The following DLG2 variants were observed in gnomAD, a reference collection of about 807,000 sequenced individuals.
The protein encoded by DLG2 is disks large homolog 2.
Under a neutral mutation model 132.5 loss-of-function variants are expected in DLG2, and 45 were observed. The observed-to-expected ratio is 0.34, with a 90% CI of 0.27 to 0.44. The LOEUF is 0.44. Among genes scored for constraint, DLG2 ranks in the 20% least tolerant of loss-of-function variants. The pLI is 1.00. For synonymous variants in DLG2, 424 were observed against 419.6 expected (o/e 1.01, Z -0.13); for missense variants, 1,045 against 1,196.9 (o/e 0.87, Z 1.87).
intron 3 of DLG2, among the ~76,000 whole-genome samples, chr11:85,507,601 C>A (rs920993025): frequency 6.6e-6 from 1 of 152,140 alleles, no homozygotes. Flanking sequence ...GATGGGCTTC[C>A]CTTTTTGGGT....
intron 6 of DLG2, among the ~76,000 whole-genome samples, chr11:84,851,183 T>C (rs966680028): frequency 9.9e-5 from 15 of 152,102 alleles, no homozygotes; most frequent in African/African-American, 3.6e-4. Context: ...TATACAGCAA[T>C]GTGACAGGAT....
At chr11:84,486,453 G>A (rs1011154259) in intron 7 of DLG2, among the ~76,000 whole-genome samples, 2 of 152,056 alleles carry the variant, frequency 1.3e-5, no homozygotes, top group African/African-American at 4.8e-5. Flanking sequence ...TACTGATTCT[G>A]CTTTTTCTTT....
At chr11:85,027,500 C>T (rs532546557) in intron 6 of DLG2, among the ~76,000 whole-genome samples, 27 of 152,240 alleles carry the variant, frequency 1.8e-4, no homozygotes, top group African/African-American at 3.1e-4. Context: ...TGGCAGGCTG[C>T]GCTTGGCTCA....
intron 5 of DLG2, among the ~76,000 whole-genome samples, chr11:85,140,738 C>A (rs559404093): frequency 6.6e-6 from 1 of 151,786 alleles, no homozygotes; most frequent in Non-Finnish European, 1.5e-5. Flanking sequence ...ATCACCACTA[C>A]TCTTCCCAGC....
At chr11:84,070,666 A>C (rs1285265391) in intron 10 of DLG2, among the ~76,000 whole-genome samples, 7 of 152,234 alleles carry the variant, frequency 4.6e-5, no homozygotes. Context: ...TGAAAAGTTG[A>C]GAACAACAAG....
In DLG2 at chr11:84,138,850, G is replaced by A. The variant is rs144300755; in HGVS notation, c.624+24611C>T. The stretch of plus-strand genomic sequence containing the variant: ...TGTAATCCCAGTTACTGGGGAGGCT[G>A]AGGCAGGAGAATTGCTTGAACCCAA... On this transcript the variant is annotated intron_variant, in intron 9 of 27. Transcript: ENST00000376104. Among the ~76,000 whole-genome samples, 289 of 151,338 alleles carry A rather than the reference G, an allele frequency of 1.9e-3. 2 individuals are homozygous for A. Among genetic ancestry groups the A allele is most frequent in the African/African-American group, 6.8e-3 (280 of 41,228 alleles).
intron 16 of DLG2, among the ~76,000 whole-genome samples, chr11:83,841,330 G>C (rs1816976925): frequency 6.6e-6 from 1 of 152,154 alleles, no homozygotes; most frequent in African/African-American, 2.4e-5. Flanking sequence ...AATTCATATT[G>C]CTGAAGGCTC....
intron 7 of DLG2, among the ~76,000 whole-genome samples, chr11:84,506,686 A>G (rs1368345666): frequency 6.6e-6 from 1 of 152,240 alleles, no homozygotes; most frequent in Non-Finnish European, 1.5e-5. Flanking sequence ...GCTTTATACC[A>G]TGAAGCTTGT....
chr11:85,030,016 A>T (rs181455224), intron 6 of DLG2, among the ~76,000 whole-genome samples: 3 of 152,320 alleles, frequency 2.0e-5, no homozygotes, highest in Admixed American at 6.5e-5. Context: ...TCTGTTTTAT[A>T]TATGTCACTT....
chr11:84,852,154 T>A (rs1468678463), intron 6 of DLG2, among the ~76,000 whole-genome samples: 1 of 151,984 alleles, frequency 6.6e-6, no homozygotes, highest in Non-Finnish European at 1.5e-5. Context: ...TTATACATCA[T>A]CCCTTGCTCT....
intron 8 of DLG2, among the ~76,000 whole-genome samples, chr11:84,234,711 A>G (rs940771994): frequency 6.6e-6 from 1 of 152,208 alleles, no homozygotes; most frequent in Admixed American, 6.5e-5. Flanking sequence ...GCTGACCAGC[A>G]TTAACGTTAC....
chr11:84,110,203 A>G (rs1195652651), intron 9 of DLG2, among the ~76,000 whole-genome samples: 1 of 152,154 alleles, frequency 6.6e-6, no homozygotes, highest in Non-Finnish European at 1.5e-5. Context: ...TGAGTTAATG[A>G]CAACTGATCT....
intron 11 of DLG2, among the ~76,000 whole-genome samples, chr11:84,038,888 A>T (rs548082004): frequency 6.6e-6 from 1 of 152,154 alleles, no homozygotes; most frequent in African/African-American, 2.4e-5. Flanking sequence ...AAAACCCCTT[A>T]TAAAACCATT....
chr11:84,374,132 G>A lies in DLG2; in HGVS notation c.520-122841C>T, dbSNP rs138766384. 7.6e-4 allele frequency among the ~76,000 whole-genome samples: 116 copies of A among 152,132 alleles called. 2 individuals carry two copies. The East Asian group carries it at 0.017, about 22-fold the overall frequency. ...TTCCTTCCAAAATTATTTGTTTCAT[G>A]GGGAAAAGGATATCTCTAGGACCCA... On this transcript the variant is annotated intron_variant, in intron 7 of 27. Coordinates refer to ENST00000376104, the MANE Select transcript of DLG2 (RefSeq NM_001142699.3).
chr11:84,329,042 A>C (rs971748544), intron 7 of DLG2, among the ~76,000 whole-genome samples: 7 of 152,204 alleles, frequency 4.6e-5, no homozygotes, highest in African/African-American at 1.7e-4. Context: ...TCAGTGATTA[A>C]ATTGAGATGT....
At chr11:85,518,360 G>A (rs572130985) in intron 3 of DLG2, among the ~76,000 whole-genome samples, 2 of 152,310 alleles carry the variant, frequency 1.3e-5, no homozygotes, top group African/African-American at 4.8e-5. Flanking sequence ...TGAGGAACTT[G>A]TTGGGAACTG....
chr11:84,663,351 A>C (rs1039654485), intron 6 of DLG2, among the ~76,000 whole-genome samples: 3 of 151,810 alleles, frequency 2.0e-5, no homozygotes, highest in Non-Finnish European at 2.9e-5. Context: ...TCCCTGACCC[A>C]AGGCTGGATC....
Position 85,158,336 on chromosome 11 carries a change from T to C in DLG2, c.187-3685A>G, listed in dbSNP as rs1007340710. 6.6e-5 allele frequency among the ~76,000 whole-genome samples: 10 copies of C among 152,092 alleles called. No individual in the cohort carries two copies. The South Asian group carries it at 2.1e-3, about 32-fold the overall frequency. ...TGAAAAAAAAGGTTGTAATAATTTG[T>C]TTGTTTAGCTGAAATATGGATTAAA... On this transcript the variant is annotated intron_variant, in intron 4 of 27. Transcript: ENST00000376104.
chr11:83,500,420 A>C (rs2094403577), intron 21 of DLG2, among the ~76,000 whole-genome samples: 1 of 152,188 alleles, frequency 6.6e-6, no homozygotes, highest in African/African-American at 2.4e-5. Flanking sequence ...TAAATTGGGA[A>C]TATGAGAGAA....
Sources: gnomAD v4.1 joint callset for allele counts (sites outside exome capture counted in the v4.1 genomes callset) on GRCh38, gnomAD v4.1.1 for gene constraint, MANE v1.5 for transcripts, NCBI Gene and HGNC (gene_info 2026-07-23, HGNC 2026-07-21) for gene names.